Variants in CCDC78 observed in about 807,000 individuals in gnomAD.
CCDC78 encodes coiled-coil domain-containing protein 78.
Under a neutral mutation model 61.9 loss-of-function variants are expected in CCDC78, and 78 were observed. That is an observed-to-expected ratio of 1.26 (90% CI 1.05 to 1.52). The LOEUF (loss-of-function observed/expected upper bound fraction) is 1.52, where lower values mean the gene tolerates loss of function less well. Ranked by LOEUF, CCDC78 falls within the 40% of genes most tolerant of loss-of-function variation. The pLI is 0.00. For missense variants in CCDC78, 737 were observed against 615.5 expected (o/e 1.20, Z -2.09); for synonymous variants, 287 against 251.9 (o/e 1.14, Z -1.32).
chr16:725,506 TG>T lies in CCDC78; in HGVS notation c.341del (p.Pro114GlnfsTer39). 1.2e-6 allele frequency: 2 copies of T among 1,612,644 alleles called. No homozygotes were observed. The highest frequency in any genetic ancestry group is 8.5e-7 in the Non-Finnish European group (1 of 1,179,990). On this transcript the variant is annotated frameshift_variant, in exon 4 of 14. Transcript: ENST00000345165. LOFTEE classifies it high-confidence loss of function. ...GGGGATGCCTGGGGTCAGACTCCAC[TG>T]GGACTGCACAGCCCTGGCTGGTGCC... is the stretch of plus-strand genomic sequence containing the variant. ...GDGTSQGCAV[P>X]VESDPRHPRA... is the part of the protein sequence containing the mutation.
Position 722,764 on chromosome 16 carries a change from T to G in CCDC78, c.1327A>C (p.Arg443=), listed in dbSNP as rs748024891. 60 of 1,612,454 alleles carry G rather than the reference T, an allele frequency of 3.7e-5. No individual in the cohort carries two copies. Among genetic ancestry groups the G allele is most frequent in the Non-Finnish European group, 4.9e-5 (58 of 1,179,982 alleles). Residue 443 remains arginine, a synonymous_variant, in exon 14 of 14, where the codon AGG becomes CGG. Transcript: ENST00000345165. ...GRYKHEILRL[R]KLAGAGDPWK... ...GGGTCCCCTGCACCTGCCAGCTTCC[T>G]CAGCCTCAGGATTTCGTGCTTGTAC...
At position 724,975 on chromosome 16, in the gene CCDC78, C is replaced by T. The variant is rs144643237; in HGVS notation, c.575G>A (p.Arg192Gln). 132 of 1,611,884 alleles carry T rather than the reference C, an allele frequency of 8.2e-5. No individual in the cohort carries two copies. In the African/African-American group the frequency reaches 1.3e-3, roughly 16 times the overall value. The change falls in exon 7 of 14, where the codon CGG (arginine) becomes CAG (glutamine). Residue 192 changes from arginine to glutamine, a missense_variant. Coordinates refer to ENST00000345165, the MANE Select transcript of CCDC78 (RefSeq NM_001378030.1). ...ALVTRVATLG[R>Q]QLQGAREEAR... Reference sequence around the variant, plus strand: ...CTCCTCTCGGGCTCCCTGCAGCTGCCGGCCCAGGGTTGCCCTGAAGACACG... The same window carrying T: ...CTCCTCTCGGGCTCCCTGCAGCTGCTGGCCCAGGGTTGCCCTGAAGACACG...
intron 9 of CCDC78, 47 bp from the exon 10 acceptor site, chr16:724,252 C>T (rs369716384): frequency 6.3e-7 from 1 of 1,587,306 alleles, no homozygotes; most frequent in Non-Finnish European, 8.6e-7. Flanking sequence ...CTGCTGCACA[C>T]CAAGCCTTTG....
chr16:724,742 T>C lies in CCDC78; in HGVS notation c.704A>G (p.Gln235Arg). 6.2e-7 allele frequency: 1 copy of C among 1,612,198 alleles called. No homozygotes were observed. Among genetic ancestry groups the C allele is most frequent in the Non-Finnish European group, 8.5e-7 (1 of 1,179,784 alleles). ...AEAENARLQL[Q>R]LKKLKDEYVL... ...GTACTCATCCTTCAGTTTCTTGAGC[T>C]GCAGCTGCAGCCGGGCATTTTCAGC... Residue 235 changes from glutamine (Q) to arginine (R), a missense_variant, in exon 8 of 14, where the codon CAG (glutamine) becomes CGG (arginine). Coordinates refer to ENST00000345165, the MANE Select transcript of CCDC78 (RefSeq NM_001378030.1).
upstream of CCDC78, chr16:726,706 CCCT>C: frequency 2.2e-6 from 1 of 461,542 alleles, no homozygotes; most frequent in South Asian, 2.9e-5. Flanking sequence ...CCGCAGGATG[CCCT>C]GAGCTACACT....
rs1172043589 is a variant in CCDC78, at chr16:722,737, A to T, written c.1354T>A (p.Trp452Arg). 2 of 1,611,590 alleles carry T rather than the reference A, an allele frequency of 1.2e-6. No individual in the cohort carries two copies. Residue 452 changes from tryptophan (W) to arginine (R), a missense_variant, in exon 14 of 14, where the codon TGG (tryptophan) becomes AGG (arginine). Transcript: ENST00000345165. ...LRKLAGAGDPWKVGAVPPAKP... is the reference protein window; with the variant it reads ...LRKLAGAGDPRKVGAVPPAKP... Reference sequence around the variant, plus strand: ...GCTGGAGGCACAGCCCCCACTTTCCAGGGGTCCCCTGCACCTGCCAGCTTC... The same window carrying T: ...GCTGGAGGCACAGCCCCCACTTTCCTGGGGTCCCCTGCACCTGCCAGCTTC...
chr16:726,279 G>T (rs2040931376), intron 1 of CCDC78, 29 bp downstream of exon 1: 1 of 1,549,340 alleles, frequency 6.5e-7, no homozygotes, highest in African/African-American at 1.4e-5. Context: ...CAACCCCATG[G>T]CAGGAGCGGC....
At chr16:722,830 G>T in intron 13 of CCDC78, 41 bp from the exon 14 acceptor site, 2 of 1,610,180 alleles carry the variant, frequency 1.2e-6, no homozygotes, top group Non-Finnish European at 1.7e-6. Flanking sequence ...GCCCAGCTGT[G>T]GACAGGTCTG....
At chr16:723,543 G>T (rs1276740328) in intron 11 of CCDC78, 2 of 674,624 alleles carry the variant, frequency 3.0e-6, no homozygotes, top group African/African-American at 1.8e-5. Flanking sequence ...GGCTGGCCCG[G>T]TCACCAGGCG....
In CCDC78 at chr16:724,493, G is replaced by C. The variant is rs1328091861; in HGVS notation, c.782C>G (p.Ala261Gly). 1 of 1,598,964 alleles carries C rather than the reference G, an allele frequency of 6.3e-7. No individual in the cohort carries two copies. The highest frequency in any genetic ancestry group is 1.1e-5 in the South Asian group (1 of 90,990). Residue 261 changes from alanine (A) to glycine (G), a missense_variant, in exon 9 of 14, where the codon GCA (alanine) becomes GGA (glycine). Transcript: ENST00000345165. ...AWQAVEHADG[A>G]GQAPATTALR... is the part of the protein sequence containing the mutation. ...GGCCGTGGTGGCTGGCGCTTGGCCT[G>C]CACCATCTGCGTGCTCCTGGAGGCG... is the stretch of plus-strand genomic sequence containing the variant.
rs778609728 is a variant in CCDC78, at chr16:725,575, A to C, written c.273T>G (p.Leu91=). The part of the protein sequence containing the change: ...AEIFQLKSEI[L]RLESRVLELE... ...GCTCCAGTACCCGGCTCTCCAGCCG[A>C]AGGATCTGTGGGACAACTGGCATGA... The change falls in exon 4 of 14, where the codon CTT becomes CTG. Residue 91 remains leucine (L), a synonymous_variant. Transcript: ENST00000345165. The C allele has an allele frequency of 4.4e-6, 7 of 1,607,802 alleles. No individual in the cohort carries two copies. Among genetic ancestry groups the C allele is most frequent in the Non-Finnish European group, 5.9e-6 (7 of 1,177,770 alleles).
At chr16:725,377 C>G (rs1484746303) in intron 4 of CCDC78, 36 bp downstream of exon 4, 9 of 1,611,774 alleles carry the variant, frequency 5.6e-6, no homozygotes, top group Non-Finnish European at 7.6e-6. Context: ...TCCCTCTGGC[C>G]TTTCCCAGCC....
chr16:723,365 G>T, intron 11 of CCDC78: 5 of 716,120 alleles, frequency 7.0e-6, no homozygotes, highest in Non-Finnish European at 1.3e-5. Flanking sequence ...CGGGCCCAGG[G>T]GGTCTGCTGG....
chr16:724,253 C>G, intron 9 of CCDC78, 48 bp from the exon 10 acceptor site: 1 of 1,586,628 alleles, frequency 6.3e-7, no homozygotes, highest in South Asian at 1.1e-5. Context: ...TGCTGCACAC[C>G]AAGCCTTTGA....
In CCDC78 at chr16:723,848, G is replaced by A. The variant is rs2040528245; in HGVS notation, c.1133+9C>T. 5 of 1,575,852 alleles carry A rather than the reference G, an allele frequency of 3.2e-6. No individual in the cohort carries two copies. The highest frequency in any genetic ancestry group is 1.2e-5 in the South Asian group (1 of 86,336). On this transcript the variant is annotated intron_variant, in intron 11 of 13. Coordinates refer to ENST00000345165, the MANE Select transcript of CCDC78 (RefSeq NM_001378030.1). ...CACAGGCCTCCCCCACACCCATGAG[G>A]GCACTCACTGTGGCTCTGATGTTCC...
chr16:724,761 T>C lies in CCDC78; in HGVS notation c.685A>G (p.Asn229Asp). 6.2e-7 allele frequency: 1 copy of C among 1,612,166 alleles called. No individual in the cohort carries two copies. Among genetic ancestry groups the C allele is most frequent in the Non-Finnish European group, 8.5e-7 (1 of 1,179,794 alleles). ...QGQLRQAEAENARLQLQLKKL... is the reference protein window; with the variant it reads ...QGQLRQAEAEDARLQLQLKKL... ...TTGAGCTGCAGCTGCAGCCGGGCAT[T>C]TTCAGCCTCTGCCTGACGGAGCTGG... The change falls in exon 8 of 14, where the codon AAT (asparagine) becomes GAT (aspartate). Residue 229 changes from asparagine (N) to aspartate (D), a missense_variant. Transcript: ENST00000345165.
chr16:722,977 T>C lies in CCDC78; in HGVS notation c.1246A>G (p.Met416Val). The C allele has an allele frequency of 6.2e-7, 1 of 1,612,494 alleles. No homozygotes were observed. Among genetic ancestry groups the C allele is most frequent in the South Asian group, 1.1e-5 (1 of 91,088 alleles). ...AGCTCAGAAAGTTGCTCTTCAGCCA[T>C]CGTGGCCCGGACCAGCAGCTGTGCC... ...ERAQLLVRAT[M>V]AEEQLSELQE... Residue 416 changes from methionine (M) to valine (V), a missense_variant, in exon 13 of 14, where the codon ATG (methionine) becomes GTG (valine). Physicochemically the swap from Met to Val is conservative, Grantham distance 21 (BLOSUM62 1). Transcript: ENST00000345165.
At chr16:723,718 G>T in intron 11 of CCDC78, 139 bp downstream of exon 11, 1 of 770,640 alleles carries the variant, frequency 1.3e-6, no homozygotes, top group Non-Finnish European at 2.3e-6. Context: ...CCAGGGTGGG[G>T]ATGTGCCACT....
At chr16:726,119 G>A (rs2040905503) in intron 1 of CCDC78, 34 bp from the exon 2 acceptor site, 1 of 1,549,584 alleles carries the variant, frequency 6.5e-7, no homozygotes, top group Non-Finnish European at 8.7e-7. Flanking sequence ...CCCCAGGTGG[G>A]TCCCAGGCTG....
Sources: allele counts gnomAD v4.1 joint callset, GRCh38; gene constraint gnomAD v4.1.1; transcripts MANE v1.5; gene names NCBI Gene and HGNC (gene_info 2026-07-23, HGNC 2026-07-21).